IGF1R: variants seen among roughly 807,000 people sequenced by gnomAD.
The protein encoded by IGF1R is insulin-like growth factor 1 receptor.
In IGF1R, 44 loss-of-function variants were observed where a neutral mutation model predicts 144.6. The observed-to-expected ratio is 0.30, with a 90% CI of 0.24 to 0.39. The LOEUF (loss-of-function observed/expected upper bound fraction) is 0.39. Ranked by LOEUF, IGF1R falls within the 10% of genes least tolerant of loss-of-function variation. The pLI is 1.00. For synonymous variants in IGF1R, 795 were observed against 722.8 expected, an observed-to-expected ratio of 1.10 and a Z score of -1.60; for missense variants, 1,355 against 1,833.7, an observed-to-expected ratio of 0.74 and a Z score of 4.77.
intron 2 of IGF1R, among the ~76,000 whole-genome samples, chr15:98,728,214 G>A (rs2054412459): frequency 6.6e-6 from 1 of 152,042 alleles, no homozygotes; most frequent in Admixed American, 6.5e-5. Flanking sequence ...GCTTCTTGGT[G>A]AAAAGTGATG....
At chr15:98,740,839 C>T (rs1040810878) in intron 2 of IGF1R, among the ~76,000 whole-genome samples, 6 of 152,128 alleles carry the variant, frequency 3.9e-5, no homozygotes, top group Non-Finnish European at 8.8e-5. Context: ...CCCCACAACC[C>T]TATTCCCCTA....
chr15:98,804,819 C>T (rs566238133), intron 2 of IGF1R, among the ~76,000 whole-genome samples: 2 of 152,226 alleles, frequency 1.3e-5, no homozygotes, highest in Non-Finnish European at 2.9e-5. Context: ...CTCAGCCTCC[C>T]GAGTAGCTGG....
At chr15:98,923,834 G>A (rs749544924) in intron 11 of IGF1R, 42 bp from the exon 12 acceptor site, 1 of 1,596,020 alleles carries the variant, frequency 6.3e-7, no homozygotes. Flanking sequence ...CTCCCTCCCT[G>A]GGAACCCAAA....
At chr15:98,786,743 A>T (rs1445813043) in intron 2 of IGF1R, among the ~76,000 whole-genome samples, 1 of 152,112 alleles carries the variant, frequency 6.6e-6, no homozygotes, top group Non-Finnish European at 1.5e-5. Flanking sequence ...TGGGGAGGAC[A>T]TTGTGCTCTG....
chr15:98,854,410 G>C (rs966821893), intron 2 of IGF1R, among the ~76,000 whole-genome samples: 1 of 152,200 alleles, frequency 6.6e-6, no homozygotes, highest in African/African-American at 2.4e-5. Context: ...TAGGGATTTT[G>C]CCTGGCACTC....
At chr15:98,650,983 G>T (rs2052349158) in intron 1 of IGF1R, 2 of 985,280 alleles carry the variant, frequency 2.0e-6, no homozygotes, top group Non-Finnish European at 2.4e-6. Context: ...AAAGTTGAAA[G>T]TGTGGCTTAC....
At chr15:98,880,409 A>G (rs1013208451) in intron 2 of IGF1R, among the ~76,000 whole-genome samples, 8 of 152,066 alleles carry the variant, frequency 5.3e-5, no homozygotes, top group Non-Finnish European at 1.0e-4. Flanking sequence ...TACTCTGCCC[A>G]GCGTTGCGTG....
At chr15:98,659,049 A>G (rs2052544679) in intron 1 of IGF1R, among the ~76,000 whole-genome samples, 1 of 152,210 alleles carries the variant, frequency 6.6e-6, no homozygotes, top group Non-Finnish European at 1.5e-5. Context: ...TACTGTTCTT[A>G]GGGTTGTGAC....
rs185739918 is a variant in IGF1R, at chr15:98,671,837, A to G, written c.94+22162A>G. Among the ~76,000 whole-genome samples the G allele has an allele frequency of 1.4e-4, 22 of 152,320 alleles. 1 individual carries two copies. In the East Asian group the frequency reaches 3.7e-3, roughly 25 times the overall value. On this transcript the variant is annotated intron_variant, in intron 1 of 20. Coordinates refer to ENST00000650285, the MANE Select transcript of IGF1R (RefSeq NM_000875.5). ...AAGTTCTACTTCCTGTTGTTGTACT[A>G]TTGAGCTCTGAAAAACAGCTTTGTA...
chr15:98,765,975 T>C (rs1596283604), intron 2 of IGF1R, among the ~76,000 whole-genome samples: 2 of 152,278 alleles, frequency 1.3e-5, no homozygotes, highest in South Asian at 4.2e-4. Context: ...GCAGTGGCAG[T>C]GGTGCAACCC....
chr15:98,956,400 C>G (rs904441498), intron 20 of IGF1R, among the ~76,000 whole-genome samples: 12 of 152,256 alleles, frequency 7.9e-5, no homozygotes, highest in African/African-American at 2.9e-4. Context: ...TGGTCCAGAA[C>G]AGCCTGGCTC....
chr15:98,699,952 C>T (rs1201391187), intron 1 of IGF1R, among the ~76,000 whole-genome samples: 2 of 152,136 alleles, frequency 1.3e-5, no homozygotes, highest in Non-Finnish European at 2.9e-5. Context: ...GCCAGGATTG[C>T]TGTCTGTGTG....
chr15:98,752,628 A>G (rs2055040290), intron 2 of IGF1R, among the ~76,000 whole-genome samples: 1 of 151,866 alleles, frequency 6.6e-6, no homozygotes, highest in Non-Finnish European at 1.5e-5. Context: ...GCTTGCAGTG[A>G]GCGGAGATTG....
intron 2 of IGF1R, among the ~76,000 whole-genome samples, chr15:98,878,473 A>C (rs982091358): frequency 6.6e-6 from 1 of 152,144 alleles, no homozygotes. Flanking sequence ...ATTTAAAATA[A>C]CTTGAAGTAA....
chr15:98,706,008 C>A (rs955879888), intron 1 of IGF1R, among the ~76,000 whole-genome samples: 2 of 152,348 alleles, frequency 1.3e-5, no homozygotes, highest in South Asian at 4.1e-4. Flanking sequence ...ATCCTAGGCA[C>A]CCTTTGGGAG....
At chr15:98,805,061 C>A (rs2056443322) in intron 2 of IGF1R, among the ~76,000 whole-genome samples, 2 of 152,130 alleles carry the variant, frequency 1.3e-5, no homozygotes, top group Admixed American at 6.5e-5. Flanking sequence ...TAATTATTTG[C>A]CAAAGTTTGA....
At chr15:98,844,494 C>T (rs2011240930) in intron 2 of IGF1R, among the ~76,000 whole-genome samples, 1 of 152,086 alleles carries the variant, frequency 6.6e-6, no homozygotes, top group African/African-American at 2.4e-5. Flanking sequence ...CAGCTAAATA[C>T]ACTTTTTTCC....
At chr15:98,789,728 G>A (rs1490091890) in intron 2 of IGF1R, among the ~76,000 whole-genome samples, 2 of 152,098 alleles carry the variant, frequency 1.3e-5, no homozygotes, top group Non-Finnish European at 2.9e-5. Context: ...AACAAAATAG[G>A]CTATACAGGG....
At chr15:98,737,612 G>A (rs545736024) in intron 2 of IGF1R, among the ~76,000 whole-genome samples, 7 of 152,238 alleles carry the variant, frequency 4.6e-5, no homozygotes, top group South Asian at 4.1e-4. Context: ...AAAAGACTTC[G>A]AAAAGTTACC....
Sources: gnomAD v4.1 joint callset for allele counts (sites outside exome capture counted in the v4.1 genomes callset) on GRCh38, gnomAD v4.1.1 for gene constraint, MANE v1.5 for transcripts, NCBI Gene and HGNC (gene_info 2026-07-23, HGNC 2026-07-21) for gene names.